The following ERCC6L2 variants were observed in gnomAD, a reference collection of about 807,000 sequenced individuals.
The protein encoded by ERCC6L2 is ERCC excision repair 6 like 2.
Under a neutral mutation model 132.0 loss-of-function variants are expected in ERCC6L2, and 77 were observed. The observed-to-expected ratio is 0.58, with a 90% CI of 0.49 to 0.71. The LOEUF (loss-of-function observed/expected upper bound fraction) is 0.71, where lower values mean the gene tolerates loss of function less well. ERCC6L2 is among the 30% of genes least tolerant of loss of function. The probability of loss-of-function intolerance (pLI) is 0.00; values close to 1 mark genes in which losing one functional copy is unlikely to be tolerated. For synonymous variants in ERCC6L2, 583 were observed against 632.4 expected, an observed-to-expected ratio of 0.92 and a Z score of 1.17; for missense variants, 1,542 against 1,837.6, an observed-to-expected ratio of 0.84 and a Z score of 2.94.
downstream of ERCC6L2, chr9:96,020,197 G>A (rs1385314920): frequency 1.3e-5 from 2 of 156,428 alleles, no homozygotes; most frequent in Non-Finnish European, 2.8e-5. Context: ...AAAATCTTGT[G>A]AACTCACTGT....
chr9:95,879,318 T>G (rs1827464524), intron 1 of ERCC6L2, among the ~76,000 whole-genome samples: 1 of 152,242 alleles, frequency 6.6e-6, no homozygotes, highest in Non-Finnish European at 1.5e-5. Context: ...TTTTCTTCAT[T>G]TTATACCCAT....
At chr9:96,010,589 C>A (rs376726216) in intron 18 of ERCC6L2, among the ~76,000 whole-genome samples, 1 of 152,138 alleles carries the variant, frequency 6.6e-6, no homozygotes, top group Non-Finnish European at 1.5e-5. Context: ...TGCACCCTCT[C>A]CCCCTGGGAG....
intron 19 of ERCC6L2, among the ~76,000 whole-genome samples, chr9:96,029,311 AAAAAAAAAAAAAC>A (rs1458400075): frequency 3.3e-5 from 5 of 150,732 alleles, no homozygotes; most frequent in Admixed American, 1.3e-4. Flanking sequence ...CTCAAAAAAA[AAAAAAAAAAAAAC>A]AAAAAAAAAA....
intron 16 of ERCC6L2, 72 bp from the exon 17 acceptor site, chr9:95,977,989 A>G (rs1832739958): frequency 2.0e-6 from 2 of 994,322 alleles, no homozygotes; most frequent in African/African-American, 1.7e-5. Flanking sequence ...TAAAAATAAG[A>G]ATAATGTGTT....
At chr9:95,958,613 T>G (rs2133006016) in intron 13 of ERCC6L2, among the ~76,000 whole-genome samples, 1 of 152,284 alleles carries the variant, frequency 6.6e-6, no homozygotes. Flanking sequence ...CCAGTGATGG[T>G]GAGCATTTTT....
chr9:95,945,077 T>C (rs559737301), intron 12 of ERCC6L2, among the ~76,000 whole-genome samples: 15 of 152,194 alleles, frequency 9.9e-5, no homozygotes, highest in Non-Finnish European at 1.8e-4. Context: ...GGGAATTTCC[T>C]CGTCCTAATA....
chr9:95,955,311 T>G lies in ERCC6L2; in HGVS notation c.1848-603T>G, dbSNP rs149277571. Reference sequence around the variant, plus strand: ...TTAATTACTTTTTGCTAAGTTGTGGTTTTTTTTACTTTTTAACAGTTTTAA... The same window carrying G: ...TTAATTACTTTTTGCTAAGTTGTGGGTTTTTTTACTTTTTAACAGTTTTAA... On this transcript the variant is annotated intron_variant, in intron 12 of 18. Transcript: ENST00000653738. Among the ~76,000 whole-genome samples, 36 of 151,904 alleles carry G rather than the reference T, an allele frequency of 2.4e-4. No homozygotes were observed. The East Asian group carries it at 5.6e-3, about 24-fold the overall frequency.
intron 1 of ERCC6L2, 40 bp downstream of exon 1, chr9:95,876,124 T>A: frequency 1.3e-6 from 2 of 1,530,354 alleles, no homozygotes; most frequent in Non-Finnish European, 1.8e-6. Flanking sequence ...GAGGCCTGTG[T>A]ACTGCGTCGC....
At chr9:96,036,769 A>ATTT (rs780544626) in intron 19 of ERCC6L2, among the ~76,000 whole-genome samples, 3 of 119,954 alleles carry the variant, frequency 2.5e-5, no homozygotes, top group African/African-American at 6.4e-5. Context: ...TATTATTTTT[A>ATTT]TTTATTTTTT....
chr9:95,954,766 C>T (rs1365053054), intron 12 of ERCC6L2: 3 of 471,096 alleles, frequency 6.4e-6, no homozygotes, highest in Non-Finnish European at 1.3e-5. Context: ...GATGCTGAGC[C>T]CCTCTCCTCT....
intron 2 of ERCC6L2, among the ~76,000 whole-genome samples, chr9:95,896,357 G>T (rs1433049128): frequency 1.3e-4 from 19 of 150,218 alleles, no homozygotes; most frequent in African/African-American, 4.4e-4. Context: ...TTCCTGCAAG[G>T]TCAGCTACTT....
At chr9:95,878,481 G>A (rs1427802189) in intron 1 of ERCC6L2, among the ~76,000 whole-genome samples, 1 of 151,334 alleles carries the variant, frequency 6.6e-6, no homozygotes, top group African/African-American at 2.4e-5. Flanking sequence ...GATGATGCCA[G>A]TTTTTTGTTT....
intron 1 of ERCC6L2, among the ~76,000 whole-genome samples, chr9:95,879,217 T>G (rs1218491658): frequency 1.3e-5 from 2 of 152,178 alleles, no homozygotes; most frequent in Admixed American, 1.3e-4. Flanking sequence ...TGAGATGGTA[T>G]CTCATTGTGG....
In ERCC6L2 at chr9:95,915,650, T is replaced by C. The variant is rs752894983; in HGVS notation, c.789-18T>C. 6.3e-7 allele frequency: 1 copy of C among 1,590,508 alleles called. No individual in the cohort carries two copies. Among genetic ancestry groups the C allele is most frequent in the South Asian group, 1.2e-5 (1 of 86,712 alleles). On this transcript the variant is annotated intron_variant, in intron 4 of 18. Transcript: ENST00000653738. ...GGAAGTTTTCTCAACCTCACCCTTC[T>C]TTTTTCTTACTTTATAGTTTGGAAT...
At chr9:95,959,222 G>A (rs1431593526) in intron 13 of ERCC6L2, among the ~76,000 whole-genome samples, 3 of 148,344 alleles carry the variant, frequency 2.0e-5, no homozygotes, top group Non-Finnish European at 3.0e-5. Context: ...CAGAAATAAC[G>A]CCGCATATCT....
chr9:96,011,444 G>A (rs1292113692), intron 18 of ERCC6L2, among the ~76,000 whole-genome samples: 1 of 152,144 alleles, frequency 6.6e-6, no homozygotes, highest in East Asian at 1.9e-4. Context: ...TGCATGATTT[G>A]GGGGAGGGGC....
intron 11 of ERCC6L2, among the ~76,000 whole-genome samples, chr9:95,930,926 G>T (rs1232218595): frequency 6.6e-6 from 1 of 152,054 alleles, no homozygotes; most frequent in Non-Finnish European, 1.5e-5. Context: ...TTTGTCAAGG[G>T]TATTAATGTT....
intron 6 of ERCC6L2, 44 bp from the exon 7 acceptor site, chr9:95,921,131 T>C: frequency 6.5e-7 from 1 of 1,532,324 alleles, no homozygotes; most frequent in Non-Finnish European, 8.9e-7. Flanking sequence ...TTATTATTGT[T>C]ATAAACAAAA....
At chr9:95,954,943 A>G (rs1245734409) in intron 12 of ERCC6L2, 5 of 465,058 alleles carry the variant, frequency 1.1e-5, no homozygotes, top group Non-Finnish European at 1.3e-5. Context: ...CAGAGAGAAC[A>G]TCAAATGTAA....
Sources: allele counts gnomAD v4.1 joint callset (sites outside exome capture counted in the v4.1 genomes callset), GRCh38; gene constraint gnomAD v4.1.1; transcripts MANE v1.5; gene names NCBI Gene and HGNC (gene_info 2026-07-23, HGNC 2026-07-21).